Variants in PDE1C observed in about 807,000 individuals in gnomAD.
PDE1C encodes dual specificity calcium/calmodulin-dependent 3',5'-cyclic nucleotide phosphodiesterase 1C.
PDE1C carries 62 observed loss-of-function variants against 93.1 expected under a neutral mutation model. That is an observed-to-expected ratio of 0.67 (90% confidence interval 0.54 to 0.82). The LOEUF is 0.82. PDE1C is among the 40% of genes least tolerant of loss of function. The pLI, the probability that PDE1C is intolerant of heterozygous loss-of-function variation, is 0.00. For missense variants in PDE1C, 742 were observed against 884.6 expected, an observed-to-expected ratio of 0.84 and a Z score of 2.04; for synonymous variants, 325 against 310.1, an observed-to-expected ratio of 1.05 and a Z score of -0.50.
intron 1 of PDE1C, among the ~76,000 whole-genome samples, chr7:32,378,484 GGAGAA>G (rs1241462833): frequency 2.0e-5 from 3 of 152,254 alleles, no homozygotes; most frequent in South Asian, 2.1e-4. Context: ...CAGGCTAAGA[GGAGAA>G]GAGGAGTCTG....
the PDE1C span, among the ~76,000 whole-genome samples, chr7:31,630,787 G>T: frequency 6.6e-6 from 1 of 151,994 alleles, no homozygotes; most frequent in African/African-American, 2.4e-5. Context: ...GAATCAAAGA[G>T]ATGTTAAAAG....
chr7:32,115,364 T>C (rs969551415), intron 3 of PDE1C, among the ~76,000 whole-genome samples: 1 of 151,870 alleles, frequency 6.6e-6, no homozygotes, highest in Non-Finnish European at 1.5e-5. Context: ...AAACTAATAC[T>C]GGAACAGAAA....
chr7:32,298,944 C>A (rs215608), exon 1 of PDE1C: 1 of 1,322,030 alleles, frequency 7.6e-7, no homozygotes, highest in Admixed American at 4.1e-5. Flanking sequence ...AGGAGCTCGG[C>A]GGAGGCAGGA....
chr7:32,097,818 A>G (rs192553356), intron 3 of PDE1C, among the ~76,000 whole-genome samples: 145 of 152,308 alleles, frequency 9.5e-4, no homozygotes, highest in African/African-American at 3.2e-3. Flanking sequence ...TCAATTAATG[A>G]GATTAACGAA....
intron 2 of PDE1C, among the ~76,000 whole-genome samples, chr7:32,039,585 A>C (rs893912845): frequency 1.3e-5 from 2 of 152,212 alleles, no homozygotes; most frequent in African/African-American, 4.8e-5. Flanking sequence ...AGAACCTCGC[A>C]GCAGGAAGGA....
chr7:31,857,990 G>A (rs1054846074), intron 7 of PDE1C, among the ~76,000 whole-genome samples: 6 of 152,000 alleles, frequency 3.9e-5, no homozygotes, highest in South Asian at 4.1e-4. Context: ...AGGACATATC[G>A]GAAGGCCAAA....
intron 17 of PDE1C, among the ~76,000 whole-genome samples, chr7:31,754,392 C>T (rs1001125494): frequency 2.6e-5 from 4 of 152,188 alleles, no homozygotes; most frequent in Non-Finnish European, 1.5e-5. Context: ...TAGGTATTTA[C>T]CCAATTGATG....
chr7:32,117,906 C>T (rs1277675816), intron 3 of PDE1C, among the ~76,000 whole-genome samples: 1 of 152,198 alleles, frequency 6.6e-6, no homozygotes, highest in East Asian at 1.9e-4. Flanking sequence ...TCTTCCCATC[C>T]ACTCTCAAGA....
At chr7:32,298,057 T>TCTC (rs1812736096) in intron 1 of PDE1C, among the ~76,000 whole-genome samples, 2 of 72,304 alleles carry the variant, frequency 2.8e-5, no homozygotes, top group South Asian at 5.6e-4. Context: ...TCTCTCTCTC[T>TCTC]CTCTCTCCCC....
At position 32,245,566 on chromosome 7, in the gene PDE1C, C is replaced by T. The variant is rs1257773340; in HGVS notation, c.86-36027G>A. On this transcript the variant is annotated intron_variant, in intron 1 of 18. Transcript: ENST00000396193. ...TCTCCAGAGAAGACCTAAGACAAGCCAATCACAGCTTATTGAGCAGTTTAT... is the reference window on the plus strand; with the variant it reads ...TCTCCAGAGAAGACCTAAGACAAGCTAATCACAGCTTATTGAGCAGTTTAT... Among the ~76,000 whole-genome samples the T allele has an allele frequency of 2.0e-5, 3 of 152,176 alleles. No individual in the cohort carries two copies. In the East Asian group the frequency reaches 5.8e-4, roughly 29 times the overall value.
chr7:32,148,781 G>A (rs947434312), intron 3 of PDE1C, among the ~76,000 whole-genome samples: 4 of 151,974 alleles, frequency 2.6e-5, no homozygotes, highest in African/African-American at 9.7e-5. Context: ...TATAAATGTG[G>A]GTTGAATAAA....
chr7:32,388,547 G>A (rs1784684335), intron 1 of PDE1C, among the ~76,000 whole-genome samples: 1 of 151,896 alleles, frequency 6.6e-6, no homozygotes, highest in Admixed American at 6.6e-5. Context: ...GAGCATGGGG[G>A]TGCACATCTG....
intron 3 of PDE1C, among the ~76,000 whole-genome samples, chr7:32,135,654 T>C (rs949426000): frequency 2.0e-5 from 3 of 152,208 alleles, no homozygotes; most frequent in Non-Finnish European, 4.4e-5. Context: ...CTCTTGTATA[T>C]TGTTGGTAAG....
At chr7:32,108,799 T>C (rs35658029) in intron 3 of PDE1C, among the ~76,000 whole-genome samples, 3,009 of 152,294 alleles carry the variant, frequency 0.02, 145 homozygotes, top group East Asian at 0.2. Flanking sequence ...GCCTGGTCCA[T>C]GCCTACAGAC....
chr7:31,627,324 A>T, the PDE1C span, among the ~76,000 whole-genome samples: 4 of 152,244 alleles, frequency 2.6e-5, no homozygotes, highest in African/African-American at 9.6e-5. Flanking sequence ...CAAACAAAAA[A>T]GAGTGACATC....
chr7:31,859,438 C>G (rs1389651934), intron 7 of PDE1C, among the ~76,000 whole-genome samples: 2 of 137,164 alleles, frequency 1.5e-5, no homozygotes, highest in Non-Finnish European at 3.3e-5. Flanking sequence ...ATTATATATC[C>G]TATAACTTTA....
At chr7:31,829,430 G>A (rs529927749) in intron 11 of PDE1C, among the ~76,000 whole-genome samples, 5 of 152,204 alleles carry the variant, frequency 3.3e-5, no homozygotes, top group South Asian at 2.1e-4. Flanking sequence ...AATACACTCC[G>A]ATTGTAATAA....
chr7:32,125,883 T>C (rs1799549955), intron 3 of PDE1C, among the ~76,000 whole-genome samples: 1 of 152,144 alleles, frequency 6.6e-6, no homozygotes, highest in Admixed American at 6.5e-5. Context: ...ATAAAATAAT[T>C]AAGAAGCAAG....
chr7:32,071,407 A>C, upstream of PDE1C: 3 of 985,416 alleles, frequency 3.0e-6, no homozygotes, highest in Non-Finnish European at 3.6e-6. Context: ...ACCACACACC[A>C]CACTCAAAAA....
Sources: allele counts gnomAD v4.1 joint callset (sites outside exome capture counted in the v4.1 genomes callset), GRCh38; gene constraint gnomAD v4.1.1; transcripts MANE v1.5; gene names NCBI Gene and HGNC (gene_info 2026-07-23, HGNC 2026-07-21).